TUT7: variants seen among roughly 807,000 people sequenced by gnomAD.
TUT7 encodes the protein terminal uridylyltransferase 7.
TUT7 carries 33 observed loss-of-function variants against 165.9 expected under a neutral mutation model. That is an observed-to-expected ratio of 0.20 (90% CI 0.15 to 0.27). The LOEUF (loss-of-function observed/expected upper bound fraction) is 0.27, where lower values mean the gene tolerates loss of function less well. Ranked by LOEUF, TUT7 falls within the 10% of genes least tolerant of loss-of-function variation. The pLI is 1.00. For missense variants in TUT7, 1,338 were observed against 1,762.3 expected (o/e 0.76, Z 4.31); for synonymous variants, 552 against 608.1 (o/e 0.91, Z 1.36).
At chr9:86,314,397 A>C (rs1377113710) in intron 17 of TUT7, among the ~76,000 whole-genome samples, 2 of 151,626 alleles carry the variant, frequency 1.3e-5, no homozygotes, top group East Asian at 3.9e-4. Flanking sequence ...ATGCAAAAAA[A>C]CTGTTTTATT....
intron 17 of TUT7, among the ~76,000 whole-genome samples, chr9:86,314,788 T>C (rs1163351626): frequency 1.3e-5 from 2 of 152,234 alleles, no homozygotes; most frequent in Non-Finnish European, 2.9e-5. Flanking sequence ...CAAATATCTA[T>C]AGACTTCATC....
chr9:86,313,263 G>C (rs1828393341), intron 17 of TUT7, among the ~76,000 whole-genome samples: 1 of 152,158 alleles, frequency 6.6e-6, no homozygotes. Context: ...CCCTGGCAGT[G>C]GACAGACTGG....
At position 86,309,208 on chromosome 9, in the gene TUT7, G is replaced by A. The variant is rs1327802698; in HGVS notation, c.3660+4C>T. Reference sequence around the variant, plus strand: ...AGGAAAATCTTTACTCTTAAAATACGTACCAGTTCATCTATTTGATCAAAA... The same window carrying A: ...AGGAAAATCTTTACTCTTAAAATACATACCAGTTCATCTATTTGATCAAAA... On this transcript the variant is annotated splice_donor_region_variant and intron_variant, in intron 21 of 26. Coordinates refer to ENST00000375963, the MANE Select transcript of TUT7 (RefSeq NM_024617.4). 2.6e-6 allele frequency: 4 copies of A among 1,546,288 alleles called. No individual in the cohort carries two copies. The highest frequency in any genetic ancestry group is 2.3e-5 in the South Asian group (2 of 88,430).
chr9:86,315,099 C>CA (rs1048877068), intron 17 of TUT7, among the ~76,000 whole-genome samples: 10 of 151,960 alleles, frequency 6.6e-5, no homozygotes, highest in South Asian at 2.1e-4. Flanking sequence ...GAAGCTTTCA[C>CA]AAAAAAAACA....
At chr9:86,337,117 G>A in intron 10 of TUT7, 1 of 205,114 alleles carries the variant, frequency 4.9e-6, no homozygotes, top group Non-Finnish European at 9.9e-6. Context: ...AAGAAAGAAT[G>A]TACCAAATGG....
intron 1 of TUT7, among the ~76,000 whole-genome samples, chr9:86,353,572 C>T (rs973251650): frequency 7.9e-5 from 12 of 152,146 alleles, no homozygotes; most frequent in Non-Finnish European, 1.5e-4. Context: ...AGGCGTTTCT[C>T]TTCAAAGAAA....
At chr9:86,344,447 T>G (rs1831580039) in intron 5 of TUT7, among the ~76,000 whole-genome samples, 1 of 152,124 alleles carries the variant, frequency 6.6e-6, no homozygotes, top group Non-Finnish European at 1.5e-5. Context: ...GCCAAAGGTC[T>G]AAAGTTAAAA....
chr9:86,323,862 C>A lies in TUT7; in HGVS notation c.1888G>T (p.Ala630Ser). 6.2e-7 allele frequency: 1 copy of A among 1,613,962 alleles called. No individual in the cohort carries two copies. The highest frequency in any genetic ancestry group is 2.2e-5 in the East Asian group (1 of 44,862). ...HCLRTTYKYF[A>S]LPHKITKSSL... is the part of the protein sequence containing the mutation. The stretch of plus-strand genomic sequence containing the variant: ...GATTTTGTAATTTTGTGTGGAAGAG[C>A]AAAATACTTGTATGTTGTCCTTAAA... The change falls in exon 13 of 27, where the codon GCT becomes TCT. Residue 630 changes from alanine (A) to serine (S), a missense_variant. Ala to Ser is a moderately conservative substitution (Grantham distance 99). This residue lies in a region of TUT7 where 425 missense variants were observed against 474.9 expected (regional missense o/e 0.89). Coordinates refer to ENST00000375963, the MANE Select transcript of TUT7 (RefSeq NM_024617.4).
In TUT7 at chr9:86,337,556, G is replaced by A. The variant is rs767913244; in HGVS notation, c.1336-18C>T. ...CTGCAAAGCTACAAACAAGAGAAAA[G>A]AAAGTTAAGCATTCTTTTTGTATGA... On this transcript the variant is annotated intron_variant, in intron 9 of 26. Transcript: ENST00000375963. 1 of 1,586,738 alleles carries A rather than the reference G, an allele frequency of 6.3e-7. No homozygotes were observed. Among genetic ancestry groups the A allele is most frequent in the East Asian group, 2.2e-5 (1 of 44,506 alleles).
chr9:86,352,196 A>G (rs781157034), intron 2 of TUT7, among the ~76,000 whole-genome samples: 2 of 152,218 alleles, frequency 1.3e-5, no homozygotes, highest in African/African-American at 2.4e-5. Context: ...TCCAAAAGAT[A>G]TATCTCTTGT....
intron 17 of TUT7, among the ~76,000 whole-genome samples, chr9:86,312,930 A>G (rs1242232266): frequency 6.6e-6 from 1 of 151,860 alleles, no homozygotes; most frequent in African/African-American, 2.4e-5. Flanking sequence ...GTTAAGAGTC[A>G]TCACCACTCC....
Position 86,303,189 on chromosome 9 carries a change from CA to C in TUT7, c.3990del (p.Phe1330LeufsTer6). The C allele has an allele frequency of 6.3e-7, 1 of 1,586,680 alleles. No homozygotes were observed. Among genetic ancestry groups the C allele is most frequent in the Non-Finnish European group, 8.6e-7 (1 of 1,164,164 alleles). ...KDYPSKMEYFFDPDVLTEGEL... is the reference protein window; with the variant it reads ...KDYPSKMEYFXDPDVLTEGEL... ...TCTCCTTCAGTTAACACATCTGGAT[CA>C]AAAAAGTATTCCTAGAAGAACATAA... On this transcript the variant is annotated frameshift_variant, in exon 25 of 27. Transcript: ENST00000375963. LOFTEE classifies it high-confidence loss of function.
intron 24 of TUT7, among the ~76,000 whole-genome samples, chr9:86,303,658 A>G (rs1827164815): frequency 1.3e-5 from 2 of 152,262 alleles, no homozygotes; most frequent in African/African-American, 4.8e-5. Flanking sequence ...TGGCTGCTGA[A>G]GGAAAAATAA....
At position 86,310,749 on chromosome 9, in the gene TUT7, A is replaced by C. The variant is rs756495515; in HGVS notation, c.3335T>G (p.Leu1112Trp). ...GATATCTACTTCCAGACCACTTCTCAAATGGAAGAACTTCACAATTGGCAC... is the reference window on the plus strand; with the variant it reads ...GATATCTACTTCCAGACCACTTCTCCAATGGAAGAACTTCACAATTGGCAC... ...AKVPIVKFFH[L>W]RSGLEVDISL... The change falls in exon 18 of 27, where the codon TTG becomes TGG. Residue 1112 changes from leucine to tryptophan, a missense_variant. By Grantham distance (61) the Leu-to-Trp change is moderately conservative. Transcript: ENST00000375963. 1 of 1,613,468 alleles carries C rather than the reference A, an allele frequency of 6.2e-7. No homozygotes were observed. The highest frequency in any genetic ancestry group is 8.5e-7 in the Non-Finnish European group (1 of 1,179,398).
chr9:86,306,583 A>ACGG (rs1267813917), intron 22 of TUT7, among the ~76,000 whole-genome samples: 2 of 150,368 alleles, frequency 1.3e-5, no homozygotes, highest in Admixed American at 6.6e-5. Flanking sequence ...GAGGTGGGCT[A>ACGG]ATCACCTGAG....
intron 26 of TUT7, chr9:86,298,754 A>T (rs569290987): frequency 9.2e-6 from 9 of 982,232 alleles, no homozygotes; most frequent in South Asian, 4.7e-5. Flanking sequence ...TGTTTTTTTT[A>T]AAACCCACAT....
At chr9:86,310,038 C>T (rs770860933) in intron 18 of TUT7, 21 bp from the exon 19 acceptor site, 54 of 1,579,606 alleles carry the variant, frequency 3.4e-5, no homozygotes, top group African/African-American at 5.5e-5. Context: ...GAAAATAACA[C>T]TATAAGACTA....
intron 16 of TUT7, among the ~76,000 whole-genome samples, chr9:86,317,692 T>C (rs1251853582): frequency 6.6e-6 from 1 of 152,126 alleles, no homozygotes; most frequent in Admixed American, 6.5e-5. Flanking sequence ...AGTTTAAGAG[T>C]TGATGAATTG....
intron 10 of TUT7, among the ~76,000 whole-genome samples, chr9:86,331,867 C>T (rs910002173): frequency 2.0e-5 from 3 of 152,026 alleles, no homozygotes; most frequent in Admixed American, 1.3e-4. Flanking sequence ...TATCAAAGGT[C>T]TAATATCCAG....
Sources: gnomAD v4.1 joint callset for allele counts (sites outside exome capture counted in the v4.1 genomes callset) on GRCh38, gnomAD v4.1.1 for gene constraint, gnomAD v4.1.1 regional missense constraint, MANE v1.5 for transcripts, NCBI Gene and HGNC (gene_info 2026-07-23, HGNC 2026-07-21) for gene names.